LRPPRC: variants seen among roughly 807,000 people sequenced by gnomAD.
The protein encoded by LRPPRC is leucine rich pentatricopeptide repeat containing, also known as leucine-rich PPR motif-containing protein, mitochondrial.
Under a neutral mutation model 180.3 loss-of-function variants are expected in LRPPRC, and 120 were observed. The observed-to-expected ratio is 0.67, with a 90% confidence interval of 0.57 to 0.77. The LOEUF is 0.77. Ranked by LOEUF, LRPPRC falls within the 30% of genes least tolerant of loss-of-function variation. The pLI is 0.00. For synonymous variants in LRPPRC, 723 were observed against 600.0 expected (o/e 1.21, Z -3.00); for missense variants, 2,012 against 1,657.2 (o/e 1.21, Z -3.72).
rs1273190298 is a variant in LRPPRC, at chr2:43,995,913, A to G, written c.35T>C (p.Leu12Pro). 7 of 1,517,718 alleles carry G rather than the reference A, an allele frequency of 4.6e-6. No homozygotes were observed. The highest frequency in any genetic ancestry group is 6.1e-6 in the Non-Finnish European group (7 of 1,140,192). The allele number at this position is 1,517,718 out of a possible 1,614,324, so 94.0% of individuals were successfully genotyped here. A position where few individuals can be genotyped will look rare whatever the true frequency, so the allele number is the denominator to read the frequency against. Reference sequence around the variant, plus strand: ...GAGGCGCGGGGCCGCCCCGGCACGCAGCAACCAACGCGCGGATCTCAGCAG... The same window carrying G: ...GAGGCGCGGGGCCGCCCCGGCACGCGGCAACCAACGCGCGGATCTCAGCAG... ...AALLRSARWL[L>P]RAGAAPRLPL... Residue 12 changes from leucine (L) to proline (P), a missense_variant, in exon 1 of 38, where the codon CTG becomes CCG. Transcript: ENST00000260665.
intron 11 of LRPPRC, among the ~76,000 whole-genome samples, chr2:43,967,714 T>C (rs1001792419): frequency 6.6e-6 from 1 of 152,130 alleles, no homozygotes; most frequent in African/African-American, 2.4e-5. Context: ...AATAATGTTT[T>C]TTAAAATCCC....
At chr2:43,889,901 A>C in intron 36 of LRPPRC, 25 bp from the exon 37 acceptor site, 3 of 1,562,260 alleles carry the variant, frequency 1.9e-6, no homozygotes, top group Non-Finnish European at 2.6e-6. Context: ...AAAATATATT[A>C]ATCAGAGATA....
At chr2:43,940,630 G>A (rs1472856838) in intron 23 of LRPPRC, among the ~76,000 whole-genome samples, 2 of 152,126 alleles carry the variant, frequency 1.3e-5, no homozygotes, top group East Asian at 3.9e-4. Context: ...ACATAATCCA[G>A]TTAAACAGCT....
At chr2:43,976,811 CTT>C (rs1674077027) in intron 5 of LRPPRC, among the ~76,000 whole-genome samples, 181 bp downstream of exon 5, 1 of 151,122 alleles carries the variant, frequency 6.6e-6, no homozygotes, top group Non-Finnish European at 1.5e-5. Context: ...TTTTACTTAT[CTT>C]TTCTCTCTTA....
chr2:43,950,544 T>C, intron 15 of LRPPRC, 29 bp downstream of exon 15: 1 of 1,592,648 alleles, frequency 6.3e-7, no homozygotes, highest in Non-Finnish European at 8.6e-7. Flanking sequence ...TAAAAGCACC[T>C]TATGATTTGC....
chr2:43,901,550 T>G (rs1388539513), intron 31 of LRPPRC, 26 bp from the exon 32 acceptor site: 1 of 1,447,426 alleles, frequency 6.9e-7, no homozygotes, highest in East Asian at 2.3e-5. Flanking sequence ...AGGAGATGGC[T>G]TTTCTTATAT....
At chr2:43,914,150 T>C (rs112299875) in intron 29 of LRPPRC, among the ~76,000 whole-genome samples, 5 of 152,216 alleles carry the variant, frequency 3.3e-5, no homozygotes, top group South Asian at 2.1e-4. Context: ...CAATCGTATA[T>C]AGTATTTCAC....
chr2:43,901,963 A>G (rs1670905970), intron 31 of LRPPRC: 1 of 162,066 alleles, frequency 6.2e-6, no homozygotes, highest in South Asian at 1.7e-4. Context: ...TCTTTCTCAA[A>G]AACACTAAAA....
chr2:43,939,725 C>G lies in LRPPRC; in HGVS notation c.2504+3962G>C, dbSNP rs1403230983. 1.3e-5 allele frequency among the ~76,000 whole-genome samples: 2 copies of G among 152,248 alleles called. 1 individual carries two copies. Among genetic ancestry groups the G allele is most frequent in the South Asian group, 4.1e-4 (2 of 4,828 alleles). On this transcript the variant is annotated intron_variant, in intron 23 of 37. Transcript: ENST00000260665. Reference sequence around the variant, plus strand: ...GACTGGTGTTGCAATTACAACTAATCCTCCCCAAAAAATTAACTGTGTTGA... The same window carrying G: ...GACTGGTGTTGCAATTACAACTAATGCTCCCCAAAAAATTAACTGTGTTGA...
In LRPPRC at chr2:43,977,218, T is replaced by C. The variant is rs199687087; in HGVS notation, c.528A>G (p.Glu176=). The change falls in exon 4 of 38, where the codon GAA becomes GAG. Residue 176 remains glutamate (E), a synonymous_variant. Transcript: ENST00000260665. ...GGAAATCAGTTGGTGAGAATTTATA[T>C]TCATTTTGAAGATAGACTTTAAGTA... ...NALLKVYLQN[E]YKFSPTDFLA... 3.6e-5 allele frequency: 57 copies of C among 1,604,176 alleles called. No homozygotes were observed. In the African/African-American group the frequency reaches 5.9e-4, roughly 17 times the overall value.
intron 29 of LRPPRC, among the ~76,000 whole-genome samples, chr2:43,915,084 G>C (rs895005380): frequency 6.2e-5 from 9 of 144,032 alleles, no homozygotes; most frequent in Non-Finnish European, 1.4e-4. Flanking sequence ...AAAAAAATTA[G>C]TCAGGCATGG....
chr2:43,971,930 T>C (rs1452083678), intron 11 of LRPPRC, among the ~76,000 whole-genome samples: 1 of 152,196 alleles, frequency 6.6e-6, no homozygotes, highest in Admixed American at 6.5e-5. Context: ...ACACACAATA[T>C]AAAAGCATAA....
chr2:43,962,713 G>C (rs1673399021), intron 12 of LRPPRC, among the ~76,000 whole-genome samples: 1 of 152,004 alleles, frequency 6.6e-6, no homozygotes, highest in Admixed American at 6.6e-5. Context: ...GAAAAACAAA[G>C]GTTTGAAGTT....
At chr2:43,949,505 A>G in intron 16 of LRPPRC, 97 bp downstream of exon 16, 1 of 858,660 alleles carries the variant, frequency 1.2e-6, no homozygotes, top group Non-Finnish European at 2.0e-6. Flanking sequence ...TTCCACTTTA[A>G]AAAATAAAGT....
intron 1 of LRPPRC, 153 bp downstream of exon 1, chr2:43,995,646 T>G (rs1675017278): frequency 1.4e-6 from 1 of 702,322 alleles, no homozygotes; most frequent in Non-Finnish European, 2.1e-6. Context: ...CGAAAACCCC[T>G]GGTAGGGAGC....
chr2:43,896,213 TCTTTC>T (rs539000835), intron 35 of LRPPRC: 1,220 of 115,520 alleles, frequency 0.011, 72 homozygotes, highest in East Asian at 0.029. Flanking sequence ...TTTCTTTCTT[TCTTTC>T]TTTCTTTTTT....
Position 43,918,108 on chromosome 2 carries a change from G to C in LRPPRC, c.3065C>G (p.Ser1022Cys). ...PELWYEDEKHSLNSSSASTTE... is the reference protein window; with the variant it reads ...PELWYEDEKHCLNSSSASTTE... The stretch of plus-strand genomic sequence containing the variant: ...GGTTGAGGCTGACGAAGAATTCAGG[G>C]AATGTTTTTCATCTTCATACCACAA... Residue 1022 changes from serine (S) to cysteine (C), a missense_variant, in exon 29 of 38, where the codon TCC (serine) becomes TGC (cysteine). Physicochemically the swap from Ser to Cys is moderately radical, Grantham distance 112. Transcript: ENST00000260665. The C allele has an allele frequency of 6.2e-7, 1 of 1,613,692 alleles. No homozygotes were observed. The highest frequency in any genetic ancestry group is 8.5e-7 in the Non-Finnish European group (1 of 1,179,858).
At chr2:43,987,328 T>C (rs939810692) in intron 1 of LRPPRC, among the ~76,000 whole-genome samples, 2 of 151,834 alleles carry the variant, frequency 1.3e-5, no homozygotes, top group African/African-American at 4.8e-5. Flanking sequence ...ACCCCGTCTC[T>C]AATAAGAATA....
intron 29 of LRPPRC, among the ~76,000 whole-genome samples, chr2:43,914,703 T>G (rs1355997948): frequency 1.3e-5 from 2 of 151,926 alleles, no homozygotes; most frequent in Non-Finnish European, 1.5e-5. Flanking sequence ...CACTCCATCC[T>G]GGGTGATAGA....
Sources: allele counts gnomAD v4.1 joint callset (sites outside exome capture counted in the v4.1 genomes callset), GRCh38; gene constraint gnomAD v4.1.1; transcripts MANE v1.5; gene names NCBI Gene and HGNC (gene_info 2026-07-23, HGNC 2026-07-21).